The following CNBD1 variants were observed in gnomAD, a reference collection of about 807,000 sequenced individuals.
The protein encoded by CNBD1 is cyclic nucleotide binding domain containing 1, also known as cyclic nucleotide-binding domain-containing protein 1.
CNBD1 carries 71 observed loss-of-function variants against 54.4 expected under a neutral mutation model. That is an observed-to-expected ratio of 1.30 (90% CI 1.08 to 1.59). The LOEUF is 1.59. Among genes scored for constraint, CNBD1 ranks in the 40% most tolerant of loss-of-function variants. The probability of loss-of-function intolerance (pLI) is 0.00; values close to 1 mark genes in which losing one functional copy is unlikely to be tolerated. For missense variants in CNBD1, 659 were observed against 518.0 expected, an observed-to-expected ratio of 1.27 and a Z score of -2.64; for synonymous variants, 182 against 170.7, an observed-to-expected ratio of 1.07 and a Z score of -0.51.
chr8:87,373,518 A>T (rs2337041), intron 10 of CNBD1, among the ~76,000 whole-genome samples: 2,863 of 151,952 alleles, frequency 0.019, 90 homozygotes, highest in African/African-American at 0.062. Context: ...TCTTGTAATT[A>T]TGATGCCTTA....
intron 4 of CNBD1, among the ~76,000 whole-genome samples, chr8:86,944,381 A>G (rs13281986): frequency 0.089 from 13,470 of 152,202 alleles, 665 homozygotes; most frequent in African/African-American, 0.12. Flanking sequence ...TACTAAACAC[A>G]TATGTATTCT....
chr8:87,098,310 C>T (rs1294222239), intron 4 of CNBD1, among the ~76,000 whole-genome samples: 2 of 152,188 alleles, frequency 1.3e-5, no homozygotes, highest in Non-Finnish European at 2.9e-5. Flanking sequence ...ACACAAGGCA[C>T]TGTGCCAAAT....
intron 3 of CNBD1, among the ~76,000 whole-genome samples, chr8:86,913,778 G>A (rs543817334): frequency 9.2e-5 from 14 of 152,052 alleles, no homozygotes; most frequent in Non-Finnish European, 1.9e-4. Flanking sequence ...AGTAGAATTC[G>A]CCAGGCTGGA....
At chr8:87,240,449 T>A (rs1268771918) in intron 6 of CNBD1, among the ~76,000 whole-genome samples, 1 of 152,148 alleles carries the variant, frequency 6.6e-6, no homozygotes, top group Non-Finnish European at 1.5e-5. Context: ...TACTCTTCCA[T>A]GATACCTGGA....
At chr8:87,337,761 G>A (rs1454152347) in intron 8 of CNBD1, among the ~76,000 whole-genome samples, 1 of 152,198 alleles carries the variant, frequency 6.6e-6, no homozygotes, top group East Asian at 1.9e-4. Context: ...TTGCACCACA[G>A]TGTTCTTTCT....
intron 1 of CNBD1, among the ~76,000 whole-genome samples, chr8:86,885,036 A>C (rs560431166): frequency 2.0e-5 from 3 of 152,224 alleles, no homozygotes; most frequent in Non-Finnish European, 4.4e-5. Context: ...ATGTATTTAC[A>C]GAATTTCTAA....
intron 10 of CNBD1, among the ~76,000 whole-genome samples, chr8:87,378,773 T>A (rs1231524128): frequency 1.3e-5 from 2 of 151,244 alleles, no homozygotes; most frequent in Non-Finnish European, 2.9e-5. Context: ...ATATTGATTC[T>A]TCCTACCCAT....
chr8:86,963,173 A>G (rs769164095), intron 4 of CNBD1, among the ~76,000 whole-genome samples: 23 of 152,136 alleles, frequency 1.5e-4, no homozygotes, highest in Non-Finnish European at 2.6e-4. Context: ...GGTGCTGACC[A>G]TGGGTGCAAG....
intron 5 of CNBD1, among the ~76,000 whole-genome samples, chr8:87,225,839 G>T (rs998236929): frequency 3.4e-5 from 5 of 145,768 alleles, no homozygotes; most frequent in African/African-American, 1.4e-4. Flanking sequence ...TTGTACCTCT[G>T]GTAGAATTCA....
intron 4 of CNBD1, among the ~76,000 whole-genome samples, chr8:86,966,624 C>G (rs939425579): frequency 6.6e-6 from 1 of 152,110 alleles, no homozygotes; most frequent in Non-Finnish European, 1.5e-5. Context: ...ACTGAAGCTG[C>G]AGACCTTTGC....
intron 4 of CNBD1, among the ~76,000 whole-genome samples, chr8:87,091,032 C>T (rs552394477): frequency 4.0e-5 from 6 of 149,152 alleles, no homozygotes; most frequent in South Asian, 2.1e-4. Context: ...CCCAGCTACT[C>T]GGGAGGCTGA....
At chr8:87,262,912 A>G (rs1808172088) in intron 6 of CNBD1, among the ~76,000 whole-genome samples, 1 of 152,100 alleles carries the variant, frequency 6.6e-6, no homozygotes, top group Admixed American at 6.6e-5. Context: ...GATAATGATG[A>G]TGGAGTGGGA....
intron 4 of CNBD1, among the ~76,000 whole-genome samples, chr8:86,966,664 C>T (rs540617516): frequency 3.9e-5 from 6 of 152,134 alleles, no homozygotes; most frequent in East Asian, 1.9e-4. Context: ...AAAGGTGGCG[C>T]GTCTGGAGTT....
chr8:87,373,185 C>T (rs1433799823), intron 10 of CNBD1, among the ~76,000 whole-genome samples: 1 of 151,572 alleles, frequency 6.6e-6, no homozygotes, highest in African/African-American at 2.4e-5. Context: ...AGAAAAAAAG[C>T]AAATGTTATT....
intron 4 of CNBD1, among the ~76,000 whole-genome samples, chr8:87,102,448 A>G (rs1811447328): frequency 6.6e-6 from 1 of 152,200 alleles, no homozygotes; most frequent in African/African-American, 2.4e-5. Flanking sequence ...CATTGTAATT[A>G]TAGTTTGGAG....
Position 87,282,159 on chromosome 8 carries a change from T to C in CNBD1, c.772-2519T>C, listed in dbSNP as rs1234756097. On this transcript the variant is annotated intron_variant, in intron 6 of 10. Transcript: ENST00000518476. ...ACTTGTATATAATTAAATTTGTAAT[T>C]TGAAGGAAACCTATACAATATTTTT... Among the ~76,000 whole-genome samples the C allele has an allele frequency of 3.3e-5, 5 of 151,804 alleles. No individual in the cohort carries two copies. The East Asian group carries it at 5.8e-4, about 18-fold the overall frequency.
chr8:86,928,069 G>A (rs1328576402), intron 3 of CNBD1, among the ~76,000 whole-genome samples: 1 of 152,078 alleles, frequency 6.6e-6, no homozygotes, highest in Admixed American at 6.6e-5. Flanking sequence ...CATAGATGGG[G>A]AGGTAGAGGG....
At chr8:87,372,522 G>A (rs150099282) in intron 10 of CNBD1, among the ~76,000 whole-genome samples, 24 of 151,962 alleles carry the variant, frequency 1.6e-4, no homozygotes, top group African/African-American at 5.5e-4. Context: ...CTGTTTTAGA[G>A]TCACCATAAA....
intron 5 of CNBD1, among the ~76,000 whole-genome samples, chr8:87,230,048 C>T (rs1483319851): frequency 6.6e-6 from 1 of 152,074 alleles, no homozygotes; most frequent in Non-Finnish European, 1.5e-5. Context: ...GGGGAGGCCT[C>T]AGGAAACTAA....
Sources: allele counts gnomAD v4.1 joint callset (sites outside exome capture counted in the v4.1 genomes callset), GRCh38; gene constraint gnomAD v4.1.1; transcripts MANE v1.5; gene names NCBI Gene and HGNC (gene_info 2026-07-23, HGNC 2026-07-21).